DNAH9: variants seen among roughly 807,000 people sequenced by gnomAD.
DNAH9 encodes dynein axonemal heavy chain 9.
In DNAH9, 345 loss-of-function variants were observed where a neutral mutation model predicts 471.6. The ratio of observed to expected loss-of-function variants is 0.73; its 90% CI spans 0.67 to 0.80. DNAH9 has a LOEUF of 0.80. Among genes scored for constraint, DNAH9 ranks in the 30% least tolerant of loss-of-function variants. DNAH9 has a pLI of 0.00. For missense variants in DNAH9, 5,407 were observed against 5,609.2 expected, an observed-to-expected ratio of 0.96 and a Z score of 1.15; for synonymous variants, 2,093 against 2,123.6, an observed-to-expected ratio of 0.99 and a Z score of 0.40.
chr17:11,787,895 G>C (rs1968928043), intron 41 of DNAH9, among the ~76,000 whole-genome samples: 1 of 152,110 alleles, frequency 6.6e-6, no homozygotes. Flanking sequence ...TCCCACCGTG[G>C]TTCTGAGGCC....
intron 8 of DNAH9, 74 bp downstream of exon 8, chr17:11,632,777 C>T: frequency 1.4e-6 from 1 of 704,896 alleles, no homozygotes; most frequent in Non-Finnish European, 2.6e-6. Flanking sequence ...GATATGGATA[C>T]CTTTCCACCT....
chr17:11,711,908 G>A lies in DNAH9; in HGVS notation c.5552+6723G>A, dbSNP rs1419616632. Among the ~76,000 whole-genome samples the A allele has an allele frequency of 0.025, 27 of 1,092 alleles. 8 individuals carry two copies. In the Non-Finnish European group the frequency reaches 0.5, roughly 20 times the overall value. The allele number at this position is 1,092 out of a possible 152,430, so 0.7% of individuals were successfully genotyped here. On this transcript the variant is annotated intron_variant, in intron 26 of 68. Transcript: ENST00000262442. The stretch of plus-strand genomic sequence containing the variant: ...TATTTATATATAAATATATATATTT[G>A]TATATATATTTATATATAAATATAT...
chr17:11,738,737 G>A (rs1362361820), intron 28 of DNAH9, 143 bp from the exon 29 acceptor site: 2 of 698,590 alleles, frequency 2.9e-6, no homozygotes, highest in East Asian at 2.6e-5. Flanking sequence ...GGTCTGGGGT[G>A]TGGTCATCAT....
intron 59 of DNAH9, among the ~76,000 whole-genome samples, chr17:11,896,366 A>G (rs1973219244): frequency 6.6e-6 from 1 of 152,256 alleles, no homozygotes; most frequent in African/African-American, 2.4e-5. Context: ...TGCCAAAGCC[A>G]GTCACAGTAT....
At chr17:11,790,059 G>T (rs1193561005) in intron 41 of DNAH9, among the ~76,000 whole-genome samples, 3 of 151,380 alleles carry the variant, frequency 2.0e-5, no homozygotes, top group Non-Finnish European at 3.0e-5. Context: ...ACTCTATATG[G>T]ATTTATTCCT....
At chr17:11,963,434 CAAAA>C (rs199930347) in intron 68 of DNAH9, among the ~76,000 whole-genome samples, 4 of 123,222 alleles carry the variant, frequency 3.2e-5, no homozygotes, top group African/African-American at 1.2e-4. Flanking sequence ...AACTCCGTCT[CAAAA>C]AAAAAAAAAG....
chr17:11,775,750 A>G (rs1434841405), intron 38 of DNAH9, among the ~76,000 whole-genome samples: 1 of 151,398 alleles, frequency 6.6e-6, no homozygotes, highest in Non-Finnish European at 1.5e-5. Flanking sequence ...GACTACAGGC[A>G]CCCGCCACCA....
chr17:11,647,344 C>G (rs1369638541), intron 12 of DNAH9, 146 bp downstream of exon 12: 1 of 729,010 alleles, frequency 1.4e-6, no homozygotes, highest in Non-Finnish European at 2.3e-6. Context: ...GCGATCTCAG[C>G]TCACTACAAC....
intron 32 of DNAH9, 75 bp downstream of exon 32, chr17:11,747,841 G>T: frequency 7.7e-7 from 1 of 1,301,304 alleles, no homozygotes; most frequent in Non-Finnish European, 1.1e-6. Flanking sequence ...ATGCAGTTGG[G>T]TGAATTGCAG....
intron 48 of DNAH9, among the ~76,000 whole-genome samples, chr17:11,831,678 G>C (rs1970688247): frequency 6.6e-6 from 1 of 152,152 alleles, no homozygotes; most frequent in African/African-American, 2.4e-5. Flanking sequence ...CCTGAAGAAA[G>C]AAAGTTCTCC....
chr17:11,936,283 G>A (rs893569203), intron 65 of DNAH9, among the ~76,000 whole-genome samples: 3 of 152,076 alleles, frequency 2.0e-5, no homozygotes, highest in Non-Finnish European at 2.9e-5. Context: ...TATCAGGAAC[G>A]GAACTTGAGG....
chr17:11,711,112 A>G (rs1053326189), intron 26 of DNAH9, among the ~76,000 whole-genome samples: 2 of 152,284 alleles, frequency 1.3e-5, no homozygotes, highest in Non-Finnish European at 2.9e-5. Context: ...CAGGTATAGC[A>G]GATTCCTTGA....
chr17:11,612,243 C>A, intron 4 of DNAH9: 1 of 267,588 alleles, frequency 3.7e-6, no homozygotes, highest in South Asian at 6.0e-5. Context: ...CTGTCCTAAT[C>A]AAGGACTACC....
intron 12 of DNAH9, among the ~76,000 whole-genome samples, chr17:11,650,327 A>T (rs1377576616): frequency 2.0e-5 from 3 of 152,316 alleles, no homozygotes; most frequent in Non-Finnish European, 4.4e-5. Context: ...GGGTTCAGAC[A>T]GAAACATCAA....
intron 48 of DNAH9, among the ~76,000 whole-genome samples, chr17:11,826,856 G>A (rs1970515821): frequency 1.4e-5 from 2 of 138,596 alleles, no homozygotes; most frequent in African/African-American, 2.8e-5. Context: ...ACAGAGTCTG[G>A]CTGTATCGCC....
Position 11,854,130 on chromosome 17 carries a change from A to G in DNAH9, c.9635A>G (p.Lys3212Arg). The G allele has an allele frequency of 6.2e-7, 1 of 1,614,146 alleles. No homozygotes were observed. Among genetic ancestry groups the G allele is most frequent in the Non-Finnish European group, 8.5e-7 (1 of 1,180,024 alleles). ...VPKDRSWKAAKVTMAKVDGFL... is the reference protein window; with the variant it reads ...VPKDRSWKAARVTMAKVDGFL... ...AAGGACCGGAGCTGGAAGGCTGCTA[A>G]GGTCACCATGGCCAAAGTGGATGGC... is the stretch of plus-strand genomic sequence containing the variant. Residue 3212 changes from lysine (K) to arginine (R), a missense_variant, in exon 50 of 69, where the codon AAG becomes AGG. Physicochemically the swap from Lys to Arg is conservative, Grantham distance 26. Coordinates refer to ENST00000262442, the MANE Select transcript of DNAH9 (RefSeq NM_001372.4).
intron 28 of DNAH9, among the ~76,000 whole-genome samples, chr17:11,730,703 A>G (rs537094895): frequency 1.3e-5 from 2 of 152,314 alleles, no homozygotes; most frequent in African/African-American, 4.8e-5. Context: ...AGCCCTGCAG[A>G]GAATAGTCAC....
chr17:11,880,228 T>C, intron 54 of DNAH9, 28 bp downstream of exon 54: 1 of 1,609,872 alleles, frequency 6.2e-7, no homozygotes, highest in Non-Finnish European at 8.5e-7. Context: ...TGCTGACCCT[T>C]CGGGGGGAGC....
At chr17:11,625,735 C>T (rs888438946) in intron 6 of DNAH9, among the ~76,000 whole-genome samples, 4 of 152,194 alleles carry the variant, frequency 2.6e-5, no homozygotes, top group African/African-American at 7.2e-5. Context: ...AAGTGCTGCA[C>T]GGTTTTTTCA....
Sources: gnomAD v4.1 joint callset for allele counts (sites outside exome capture counted in the v4.1 genomes callset) on GRCh38, gnomAD v4.1.1 for gene constraint, MANE v1.5 for transcripts, NCBI Gene and HGNC (gene_info 2026-07-23, HGNC 2026-07-21) for gene names.